MAN1A1: variants seen among roughly 807,000 people sequenced by gnomAD.
MAN1A1 encodes mannosyl-oligosaccharide 1,2-alpha-mannosidase IA.
A neutral mutation model predicts 70.8 loss-of-function variants in MAN1A1; 29 were observed. That is an observed-to-expected ratio of 0.41 (90% CI 0.31 to 0.56). The LOEUF (loss-of-function observed/expected upper bound fraction) is 0.56. MAN1A1 is among the 20% of genes least tolerant of loss of function. MAN1A1 has a pLI of 0.29. For missense variants in MAN1A1, 747 were observed against 841.3 expected, an observed-to-expected ratio of 0.89 and a Z score of 1.39; for synonymous variants, 349 against 330.1, an observed-to-expected ratio of 1.06 and a Z score of -0.62.
chr6:119,221,676 C>G (rs1409760205), intron 6 of MAN1A1, among the ~76,000 whole-genome samples: 2 of 152,104 alleles, frequency 1.3e-5, no homozygotes, highest in Non-Finnish European at 2.9e-5. Flanking sequence ...TGGTCTCAAA[C>G]TCCTGACCTC....
rs1773803817 is a variant in MAN1A1, at chr6:119,348,556, G to C, written c.510C>G (p.Gly170=). 6.2e-7 allele frequency: 1 copy of C among 1,613,376 alleles called. No individual in the cohort carries two copies. Among genetic ancestry groups the C allele is most frequent in the Admixed American group, 1.7e-5 (1 of 59,896 alleles). The change falls in exon 2 of 13, where the codon GGC becomes GGG. Residue 170 remains glycine, a synonymous_variant. Transcript: ENST00000368468. ...GGGGCACGAAGTCCACCGGGGGCAG[G>C]CCTCTGAACGGCGCCTTGTCACGCA... ...DQLRDKAPFR[G]LPPVDFVPPI...
At chr6:119,262,048 T>C (rs181533350) in intron 5 of MAN1A1, among the ~76,000 whole-genome samples, 3 of 152,284 alleles carry the variant, frequency 2.0e-5, no homozygotes, top group Non-Finnish European at 4.4e-5. Context: ...ACAGAAGTGA[T>C]GGCAGATGGG....
At chr6:119,216,277 AAGG>A (rs1582704515) in intron 6 of MAN1A1, among the ~76,000 whole-genome samples, 1 of 152,206 alleles carries the variant, frequency 6.6e-6, no homozygotes, top group East Asian at 1.9e-4. Context: ...GGTTACATAA[AAGG>A]AGGAGTGTAG....
At chr6:119,284,835 C>CCT (rs1412691767) in intron 5 of MAN1A1, among the ~76,000 whole-genome samples, 1 of 152,002 alleles carries the variant, frequency 6.6e-6, no homozygotes, top group Middle Eastern at 3.2e-3. Context: ...GTATGATGTA[C>CCT]ATATTTTCCT....
intron 5 of MAN1A1, among the ~76,000 whole-genome samples, chr6:119,257,587 A>T (rs1019274034): frequency 6.6e-6 from 1 of 152,190 alleles, no homozygotes; most frequent in African/African-American, 2.4e-5. Flanking sequence ...CTTTAAAAAA[A>T]TTTTCCTCAA....
chr6:119,249,706 C>T (rs1582735158), intron 5 of MAN1A1, among the ~76,000 whole-genome samples: 2 of 152,126 alleles, frequency 1.3e-5, no homozygotes, highest in African/African-American at 4.8e-5. Context: ...AGTCCTGAGC[C>T]TCTCCACTGA....
At chr6:119,266,545 A>AC (rs1250736287) in intron 5 of MAN1A1, among the ~76,000 whole-genome samples, 1 of 152,108 alleles carries the variant, frequency 6.6e-6, no homozygotes, top group Non-Finnish European at 1.5e-5. Context: ...CATACAAAAA[A>AC]AAATGAATGT....
rs1162523718 is a variant in MAN1A1 at position 119,188,975 on chromosome 6, G to C, written c.1547-398C>G. On this transcript the variant is annotated intron_variant, in intron 10 of 12. Coordinates refer to ENST00000368468, the MANE Select transcript of MAN1A1 (RefSeq NM_005907.4). The stretch of plus-strand genomic sequence containing the variant: ...CAGTTGTGGAACCCAGGGATACGAA[G>C]GTCTGACTGTACTTTAACAACACTG... Among the ~76,000 whole-genome samples the C allele has an allele frequency of 2.6e-5, 4 of 152,198 alleles. No individual in the cohort carries two copies. The East Asian group carries it at 7.7e-4, about 29-fold the overall frequency.
At chr6:119,270,794 T>C (rs976398562) in intron 5 of MAN1A1, among the ~76,000 whole-genome samples, 1 of 152,208 alleles carries the variant, frequency 6.6e-6, no homozygotes, top group African/African-American at 2.4e-5. Context: ...CTTGAGTTGG[T>C]CATTAAAATG....
chr6:119,337,263 T>TAA (rs772352294), intron 2 of MAN1A1, among the ~76,000 whole-genome samples: 63 of 146,086 alleles, frequency 4.3e-4, no homozygotes, highest in African/African-American at 1.5e-3. Context: ...CTGACTGTTG[T>TAA]AAAAAAAAAA....
chr6:119,228,016 A>G (rs537387836), intron 6 of MAN1A1, among the ~76,000 whole-genome samples: 30 of 152,338 alleles, frequency 2.0e-4, no homozygotes, highest in African/African-American at 6.5e-4. Flanking sequence ...TTTTTAAAAA[A>G]TATGAAAGTA....
chr6:119,281,785 G>A (rs762840445), intron 5 of MAN1A1, among the ~76,000 whole-genome samples: 2 of 152,138 alleles, frequency 1.3e-5, no homozygotes, highest in Non-Finnish European at 2.9e-5. Context: ...GGCCAGGTGC[G>A]GTGGCTCATA....
intron 9 of MAN1A1, among the ~76,000 whole-genome samples, chr6:119,193,241 T>G (rs1378378277): frequency 1.3e-5 from 2 of 152,112 alleles, no homozygotes; most frequent in Non-Finnish European, 2.9e-5. Flanking sequence ...TGGTAGGCAA[T>G]TCAACACTCA....
At chr6:119,245,767 A>T (rs1775152875) in intron 6 of MAN1A1, among the ~76,000 whole-genome samples, 1 of 152,186 alleles carries the variant, frequency 6.6e-6, no homozygotes, top group Admixed American at 6.6e-5. Context: ...AATTTCATCC[A>T]GTTTAACTTC....
chr6:119,211,844 A>T (rs1268966728), intron 6 of MAN1A1, among the ~76,000 whole-genome samples: 2 of 141,614 alleles, frequency 1.4e-5, no homozygotes, highest in African/African-American at 5.2e-5. Flanking sequence ...AATAGTAGGA[A>T]TTTTTTTTTT....
intron 9 of MAN1A1, among the ~76,000 whole-genome samples, chr6:119,191,442 AG>A (rs3216461): frequency 0.67 from 101,573 of 151,974 alleles, 35,676 homozygotes; most frequent in South Asian, 0.81. Flanking sequence ...AGACCTTCAA[AG>A]CAATAATTTT....
chr6:119,230,482 CAG>C (rs1774646286), intron 6 of MAN1A1, among the ~76,000 whole-genome samples: 1 of 152,180 alleles, frequency 6.6e-6, no homozygotes, highest in South Asian at 2.1e-4. Context: ...CTTTTCAATA[CAG>C]AGTTTTGACA....
intron 2 of MAN1A1, among the ~76,000 whole-genome samples, chr6:119,340,514 T>G (rs1773569164): frequency 6.6e-6 from 1 of 152,194 alleles, no homozygotes; most frequent in Admixed American, 6.5e-5. Context: ...TAGCTTGTAG[T>G]CTATGGATGG....
At chr6:119,274,058 T>C (rs987598836) in intron 5 of MAN1A1, among the ~76,000 whole-genome samples, 3 of 152,190 alleles carry the variant, frequency 2.0e-5, no homozygotes, top group Admixed American at 1.3e-4. Flanking sequence ...GATTTCACTA[T>C]GGGTTGGATC....
Sources: allele counts gnomAD v4.1 joint callset (sites outside exome capture counted in the v4.1 genomes callset), GRCh38; gene constraint gnomAD v4.1.1; transcripts MANE v1.5; gene names NCBI Gene and HGNC (gene_info 2026-07-23, HGNC 2026-07-21).